Variants in SLC1A7 observed in about 807,000 individuals in gnomAD.
SLC1A7 encodes the protein excitatory amino acid transporter 5.
Under a neutral mutation model 47.7 loss-of-function variants are expected in SLC1A7, and 40 were observed. That is an observed-to-expected ratio of 0.84 (90% CI 0.65 to 1.09). SLC1A7 has a LOEUF of 1.09. SLC1A7 is among the 50% of genes least tolerant of loss of function. The pLI is 0.00. For synonymous variants in SLC1A7, 323 were observed against 325.6 expected (o/e 0.99, Z 0.09); for missense variants, 746 against 769.5 (o/e 0.97, Z 0.36).
At chr1:53,089,976 A>C in intron 8 of SLC1A7, 42 bp from the exon 9 acceptor site, 1 of 1,608,632 alleles carries the variant, frequency 6.2e-7, no homozygotes, top group Non-Finnish European at 8.5e-7. Flanking sequence ...CAGGAGGGGC[A>C]GGGTGCATTG....
chr1:53,118,195 G>A (rs1022410708), intron 2 of SLC1A7, among the ~76,000 whole-genome samples: 5 of 152,252 alleles, frequency 3.3e-5, no homozygotes, highest in African/African-American at 1.2e-4. Context: ...GCTCCTCAAG[G>A]TCCCAGGCTT....
chr1:53,112,913 GAC>G (rs1644715047), intron 3 of SLC1A7, among the ~76,000 whole-genome samples: 1 of 152,176 alleles, frequency 6.6e-6, no homozygotes, highest in African/African-American at 2.4e-5. Context: ...GTCCTGGAGA[GAC>G]ACAACGAGGG....
intron 2 of SLC1A7, 121 bp downstream of exon 2, chr1:53,134,229 G>T: frequency 3.0e-6 from 2 of 657,922 alleles, no homozygotes; most frequent in African/African-American, 1.8e-5. Context: ...AGGCCCCACG[G>T]TCACACTCAT....
chr1:53,094,853 G>C (rs1644467119), intron 5 of SLC1A7, among the ~76,000 whole-genome samples: 1 of 152,236 alleles, frequency 6.6e-6, no homozygotes, highest in Non-Finnish European at 1.5e-5. Flanking sequence ...ACCCTAGTGT[G>C]GCACGGGGGC....
At chr1:53,136,577 A>AATATATAAACATATAT (rs1644998369) in intron 1 of SLC1A7, among the ~76,000 whole-genome samples, 1 of 137,304 alleles carries the variant, frequency 7.3e-6, no homozygotes, top group African/African-American at 2.8e-5. Flanking sequence ...AAACATATAT[A>AATATATAAACATATAT]ATATATAAAC....
chr1:53,122,771 A>T (rs1769303), intron 2 of SLC1A7, among the ~76,000 whole-genome samples: 150,004 of 152,208 alleles, frequency 0.99, 73,955 homozygotes, highest in Middle Eastern at 1. Context: ...CCCTCCACTA[A>T]GAGCTCGTGA....
chr1:53,104,213 T>C lies in SLC1A7; in HGVS notation c.475-645A>G, dbSNP rs566131903. 6.6e-5 allele frequency among the ~76,000 whole-genome samples: 10 copies of C among 152,340 alleles called. 1 individual carries two copies. The highest frequency in any genetic ancestry group is 3.9e-4 in the Admixed American group (6 of 15,306). ...GGAAACATATGAGACCTGAAGTCTC[T>C]GCTTCCTTTTCCTCCTCTGTAAAAT... On this transcript the variant is annotated intron_variant, in intron 4 of 10. Transcript: ENST00000371494.
chr1:53,114,417 T>C (rs1644732778), intron 3 of SLC1A7, among the ~76,000 whole-genome samples: 1 of 152,142 alleles, frequency 6.6e-6, no homozygotes, highest in Admixed American at 6.5e-5. Context: ...GAGCCCCATT[T>C]CCTCATCTGT....
chr1:53,110,024 T>A lies in SLC1A7; in HGVS notation c.432-4250A>T, dbSNP rs551958284. On this transcript the variant is annotated intron_variant, in intron 3 of 10. Coordinates refer to ENST00000371494, the MANE Select transcript of SLC1A7 (RefSeq NM_006671.6). Reference sequence around the variant, plus strand: ...CCTTCCCAAACCCACCAGCTTCCCATTCCCAAAGCCTAACAGCCAGCCCCT... The same window carrying A: ...CCTTCCCAAACCCACCAGCTTCCCAATCCCAAAGCCTAACAGCCAGCCCCT... 2.6e-5 allele frequency among the ~76,000 whole-genome samples: 4 copies of A among 152,282 alleles called. No homozygotes were observed. In the East Asian group the frequency reaches 7.7e-4, roughly 29 times the overall value.
chr1:53,104,825 A>C (rs2150326062), intron 4 of SLC1A7, among the ~76,000 whole-genome samples: 1 of 152,378 alleles, frequency 6.6e-6, no homozygotes, highest in Admixed American at 6.5e-5. Flanking sequence ...ACCAGCTGAC[A>C]GTTTAGAAAG....
intron 9 of SLC1A7, 29 bp from the exon 10 acceptor site, chr1:53,089,008 T>C (rs3816744): frequency 0.067 from 106,448 of 1,580,464 alleles, 6,165 homozygotes; most frequent in Admixed American, 0.26. Flanking sequence ...GGGTGAGTGG[T>C]GGGCACTTGA....
chr1:53,135,471 A>G lies in SLC1A7; in HGVS notation c.136-1042T>C, dbSNP rs532085171. On this transcript the variant is annotated intron_variant, in intron 1 of 10. Transcript: ENST00000371494. ...ATGGGTGCAACACCACGCGGTAGAA[A>G]CAGCCCCCTTTGGCAGAGTTCTTAC... Among the ~76,000 whole-genome samples the G allele has an allele frequency of 4.6e-5, 7 of 152,308 alleles. No individual in the cohort carries two copies. In the South Asian group the frequency reaches 1.0e-3, roughly 23 times the overall value.
At chr1:53,105,522 T>A (rs921050787) in intron 4 of SLC1A7, among the ~76,000 whole-genome samples, 6 of 152,128 alleles carry the variant, frequency 3.9e-5, no homozygotes, top group African/African-American at 1.4e-4. Context: ...TTTTTCATCA[T>A]GAAAACTGGA....
chr1:53,141,425 A>G (rs910470308), intron 1 of SLC1A7, among the ~76,000 whole-genome samples: 1 of 152,054 alleles, frequency 6.6e-6, no homozygotes, highest in African/African-American at 2.4e-5. Context: ...CCCTACCACA[A>G]TAGTCCTGAA....
rs1233847423 is a variant in SLC1A7, at chr1:53,090,592, G to C, written c.1226+20C>G. On this transcript the variant is annotated intron_variant, in intron 8 of 10. Coordinates refer to ENST00000371494, the MANE Select transcript of SLC1A7 (RefSeq NM_006671.6). The stretch of plus-strand genomic sequence containing the variant: ...CCCCAGCCCCCGCCCCATCCACCCA[G>C]GTGCAGTGTCAGGGTGCACCTGATG... The C allele has an allele frequency of 1.9e-6, 3 of 1,557,674 alleles. No homozygotes were observed. The highest frequency in any genetic ancestry group is 1.8e-5 in the Admixed American group (1 of 56,732).
At chr1:53,088,614 A>G (rs1396819606) in intron 10 of SLC1A7, among the ~76,000 whole-genome samples, 1 of 152,192 alleles carries the variant, frequency 6.6e-6, no homozygotes, top group African/African-American at 2.4e-5. Flanking sequence ...TGGACAGACC[A>G]TCCCGACACG....
At chr1:53,097,984 T>A (rs1461159455) in intron 5 of SLC1A7, among the ~76,000 whole-genome samples, 4 of 123,428 alleles carry the variant, frequency 3.2e-5, no homozygotes, top group South Asian at 5.6e-4. Context: ...CACAACTCGG[T>A]ACACTCACAC....
intron 2 of SLC1A7, among the ~76,000 whole-genome samples, chr1:53,123,276 G>T (rs1055205738): frequency 1.3e-5 from 2 of 152,178 alleles, no homozygotes; most frequent in African/African-American, 4.8e-5. Flanking sequence ...GGGAACTCAG[G>T]TCTCCTGCCT....
chr1:53,125,421 T>C (rs752863581), intron 2 of SLC1A7, among the ~76,000 whole-genome samples: 18 of 152,158 alleles, frequency 1.2e-4, no homozygotes, highest in African/African-American at 4.1e-4. Flanking sequence ...TGCAGAGTTA[T>C]GGAAAACTGT....
Sources: gnomAD v4.1 joint callset for allele counts (sites outside exome capture counted in the v4.1 genomes callset) on GRCh38, gnomAD v4.1.1 for gene constraint, MANE v1.5 for transcripts, NCBI Gene and HGNC (gene_info 2026-07-23, HGNC 2026-07-21) for gene names.